HHAT: variants seen among roughly 807,000 people sequenced by gnomAD.
The protein encoded by HHAT is protein-cysteine N-palmitoyltransferase HHAT.
A neutral mutation model predicts 70.8 loss-of-function variants in HHAT; 47 were observed. That is an observed-to-expected ratio of 0.66 (90% CI 0.53 to 0.85). HHAT has a LOEUF of 0.85. HHAT is among the 40% of genes least tolerant of loss of function. The pLI is 0.00. For missense variants in HHAT, 609 were observed against 604.8 expected (o/e 1.01, Z -0.07); for synonymous variants, 228 against 247.6 (o/e 0.92, Z 0.74).
At chr1:210,344,011 T>A (rs2086274947) in intron 1 of HHAT, among the ~76,000 whole-genome samples, 4 of 152,220 alleles carry the variant, frequency 2.6e-5, no homozygotes, top group Non-Finnish European at 5.9e-5. Context: ...GGCCGTTATC[T>A]ACCCGTTTCC....
chr1:210,396,029 G>A (rs1298397568), intron 4 of HHAT, among the ~76,000 whole-genome samples: 3 of 152,200 alleles, frequency 2.0e-5, no homozygotes, highest in African/African-American at 7.2e-5. Flanking sequence ...GAGTGGTTCA[G>A]TGTAGACTCA....
At chr1:210,358,503 G>A (rs1015313750) in intron 2 of HHAT, among the ~76,000 whole-genome samples, 1 of 152,224 alleles carries the variant, frequency 6.6e-6, no homozygotes, top group African/African-American at 2.4e-5. Context: ...AGAGTGTCAT[G>A]AAAAGCCACC....
intron 9 of HHAT, among the ~76,000 whole-genome samples, chr1:210,516,683 CTCTTAATGTGCAGTTTGGTT>C (rs1326384124): frequency 6.6e-6 from 1 of 152,048 alleles, no homozygotes; most frequent in African/African-American, 2.4e-5. Flanking sequence ...CTCCAACAAG[CTCTTAATGTGCAGTTTGGTT>C]TGTCAGGCTG....
chr1:210,415,811 A>G (rs2092703652), intron 6 of HHAT, among the ~76,000 whole-genome samples: 1 of 152,012 alleles, frequency 6.6e-6, no homozygotes, highest in Non-Finnish European at 1.5e-5. Context: ...GGTGTCTGCC[A>G]CCACATTCAG....
rs932490989 is a variant in HHAT at position 210,493,311 on chromosome 1, C to G, written c.1008-19842C>G. 4.6e-5 allele frequency among the ~76,000 whole-genome samples: 7 copies of G among 152,208 alleles called. No homozygotes were observed. In the East Asian group the frequency reaches 1.2e-3, roughly 25 times the overall value. On this transcript the variant is annotated intron_variant, in intron 8 of 11. Coordinates refer to ENST00000261458, the MANE Select transcript of HHAT (RefSeq NM_018194.6). ...ATTTTAAATAATTGGCAAATTCAAA[C>G]TCTGCAGGGCAGGCTGGCAGACTGA...
At chr1:210,338,774 A>G (rs1233700926) in intron 1 of HHAT, among the ~76,000 whole-genome samples, 1 of 152,198 alleles carries the variant, frequency 6.6e-6, no homozygotes, top group Non-Finnish European at 1.5e-5. Flanking sequence ...TGCTGTCTCC[A>G]TGCCTTTAGT....
At chr1:210,381,373 C>G (rs545655259) in intron 3 of HHAT, among the ~76,000 whole-genome samples, 3 of 152,060 alleles carry the variant, frequency 2.0e-5, no homozygotes, top group Non-Finnish European at 4.4e-5. Flanking sequence ...CTCCACCTCC[C>G]AGGTTCAAGT....
At chr1:210,664,093 T>G (rs775912229) in intron 11 of HHAT, among the ~76,000 whole-genome samples, 2 of 152,234 alleles carry the variant, frequency 1.3e-5, no homozygotes, top group Non-Finnish European at 2.9e-5. Context: ...CGTTTGGAGT[T>G]AGATCCAGTG....
chr1:210,564,648 C>T (rs1258723749), intron 9 of HHAT, among the ~76,000 whole-genome samples: 3 of 152,094 alleles, frequency 2.0e-5, no homozygotes, highest in African/African-American at 7.2e-5. Context: ...GTAAGGAGTA[C>T]AGTAGTGGTA....
At chr1:210,379,801 A>G (rs2090494707) in intron 3 of HHAT, among the ~76,000 whole-genome samples, 1 of 151,882 alleles carries the variant, frequency 6.6e-6, no homozygotes, top group Non-Finnish European at 1.5e-5. Context: ...AGTGTTCTCC[A>G]TACTTTAGTT....
intron 11 of HHAT, among the ~76,000 whole-genome samples, chr1:210,644,864 C>G (rs1361539851): frequency 6.6e-6 from 1 of 152,110 alleles, no homozygotes; most frequent in Non-Finnish European, 1.5e-5. Flanking sequence ...TCCGGGAAAC[C>G]TGCAGTAGGT....
chr1:210,545,742 C>T (rs1046121667), intron 9 of HHAT, among the ~76,000 whole-genome samples: 1 of 152,080 alleles, frequency 6.6e-6, no homozygotes, highest in African/African-American at 2.4e-5. Flanking sequence ...AGGCCTTAGT[C>T]ATCACTTCTT....
At chr1:210,487,589 G>T (rs968927521) in intron 8 of HHAT, among the ~76,000 whole-genome samples, 1 of 152,170 alleles carries the variant, frequency 6.6e-6, no homozygotes, top group African/African-American at 2.4e-5. Flanking sequence ...TGAATGGCTT[G>T]GAAGAATGAT....
intron 11 of HHAT, among the ~76,000 whole-genome samples, chr1:210,652,719 C>T (rs1429885317): frequency 1.3e-5 from 2 of 152,126 alleles, no homozygotes; most frequent in African/African-American, 2.4e-5. Context: ...GGAAAGGGTA[C>T]AGAGAGTTCT....
chr1:210,480,079 T>C (rs1475290148), intron 8 of HHAT, among the ~76,000 whole-genome samples: 2 of 152,216 alleles, frequency 1.3e-5, no homozygotes, highest in Non-Finnish European at 2.9e-5. Flanking sequence ...TACTGGACAT[T>C]CAGGCATTAA....
chr1:210,369,093 A>G (rs1467903849), intron 3 of HHAT, among the ~76,000 whole-genome samples: 3 of 150,576 alleles, frequency 2.0e-5, no homozygotes, highest in Admixed American at 1.3e-4. Flanking sequence ...AAAAGAAAGA[A>G]AAAAAAAAAG....
At chr1:210,630,603 A>G (rs1384551154) in intron 11 of HHAT, among the ~76,000 whole-genome samples, 1 of 152,146 alleles carries the variant, frequency 6.6e-6, no homozygotes. Flanking sequence ...TTCTTTGGTA[A>G]CAGCCCCCTG....
At chr1:210,535,431 T>G (rs988727138) in intron 9 of HHAT, among the ~76,000 whole-genome samples, 1 of 149,764 alleles carries the variant, frequency 6.7e-6, no homozygotes, top group African/African-American at 2.5e-5. Flanking sequence ...CATTGTGTGT[T>G]TGTGTGTGTG....
chr1:210,673,955 T>A (rs1276264409), intron 11 of HHAT, among the ~76,000 whole-genome samples: 3 of 43,972 alleles, frequency 6.8e-5, no homozygotes, highest in Non-Finnish European at 1.5e-4. Context: ...CTTGCCCTAT[T>A]TCTTTTTTTT....
Sources: gnomAD v4.1 joint callset for allele counts (sites outside exome capture counted in the v4.1 genomes callset) on GRCh38, gnomAD v4.1.1 for gene constraint, MANE v1.5 for transcripts, NCBI Gene and HGNC (gene_info 2026-07-23, HGNC 2026-07-21) for gene names.